KIRREL2: variants seen among roughly 807,000 people sequenced by gnomAD.
KIRREL2 encodes the protein kirre like nephrin family adhesion molecule 2.
KIRREL2 carries 56 observed loss-of-function variants against 73.4 expected under a neutral mutation model. That is an observed-to-expected ratio of 0.76 (90% CI 0.62 to 0.95). The LOEUF (loss-of-function observed/expected upper bound fraction) is 0.95, where lower values mean the gene tolerates loss of function less well. KIRREL2 is among the 40% of genes least tolerant of loss of function. KIRREL2 has a pLI of 0.00. For missense variants in KIRREL2, 896 were observed against 935.0 expected, an observed-to-expected ratio of 0.96 and a Z score of 0.54; for synonymous variants, 407 against 404.0, an observed-to-expected ratio of 1.01 and a Z score of -0.09.
chr19:35,856,875 C>A (rs1973442319), upstream of KIRREL2: 3 of 570,198 alleles, frequency 5.3e-6, no homozygotes, highest in Non-Finnish European at 9.4e-6. The surrounding 1 kb of genome is among the most constrained non-coding windows in gnomAD (Gnocchi z 5.9). Flanking sequence ...CGGACCCGGG[C>A]GGGGCGAGCG....
upstream of KIRREL2, chr19:35,851,720 G>A (rs1032415696): frequency 6.4e-7 from 1 of 1,574,070 alleles, no homozygotes; most frequent in Non-Finnish European, 8.6e-7. Context: ...TTTGTCTAGG[G>A]AAGGTAAGTG....
rs377502033 is a variant in KIRREL2 at position 35,866,251 on chromosome 19, C to T, written c.1886C>T (p.Ser629Phe). 6.2e-7 allele frequency: 1 copy of T among 1,607,470 alleles called. No homozygotes were observed. The highest frequency in any genetic ancestry group is 8.5e-7 in the Non-Finnish European group (1 of 1,174,190). Reference sequence around the variant, plus strand: ...GGAGGTCTCTTCCTGCCACCACCCTCCCCCCTTGGGCCCCCAGGGACCCCT... The same window carrying T: ...GGAGGTCTCTTCCTGCCACCACCCTTCCCCCTTGGGCCCCCAGGGACCCCT... ...PGGGLFLPPP[S>F]PLGPPGTPTF... The change falls in exon 15 of 15, where the codon TCC (serine) becomes TTC (phenylalanine). Residue 629 changes from serine (S) to phenylalanine (F), a missense_variant. By Grantham distance (155) the Ser-to-Phe change is radical. Coordinates refer to ENST00000360202, the MANE Select transcript of KIRREL2 (RefSeq NM_199180.4).
chr19:35,855,102 C>G (rs1473670246), upstream of KIRREL2, among the ~76,000 whole-genome samples: 1 of 152,116 alleles, frequency 6.6e-6, no homozygotes, highest in African/African-American at 2.4e-5. Context: ...GCTTCATCCT[C>G]GATGCTGGAC....
upstream of KIRREL2, among the ~76,000 whole-genome samples, chr19:35,854,285 C>A (rs1394373812): frequency 6.6e-6 from 1 of 152,124 alleles, no homozygotes. Context: ...AGCCACCGCA[C>A]CTGGCCCTTG....
chr19:35,858,939 C>A, intron 4 of KIRREL2, 75 bp downstream of exon 4: 1 of 1,509,814 alleles, frequency 6.6e-7, no homozygotes, highest in Non-Finnish European at 9.1e-7. Flanking sequence ...CAGGCTCATC[C>A]AGAAGAGAAG....
chr19:35,852,620 G>A (rs369740601), upstream of KIRREL2, among the ~76,000 whole-genome samples: 1 of 152,056 alleles, frequency 6.6e-6, no homozygotes, highest in African/African-American at 2.4e-5. Flanking sequence ...CATGCCAGGC[G>A]CGTTCCTCGG....
intron 12 of KIRREL2, 57 bp from the exon 13 acceptor site, chr19:35,862,870 G>C: frequency 9.6e-7 from 1 of 1,039,984 alleles, no homozygotes; most frequent in Non-Finnish European, 1.5e-6. Context: ...CCGCTTATTG[G>C]TCTGCACACA....
chr19:35,856,867 G>GA (rs1215738943), upstream of KIRREL2: 29 of 566,678 alleles, frequency 5.1e-5, no homozygotes, highest in East Asian at 8.2e-4. The surrounding 1 kb of genome is among the most constrained non-coding windows in gnomAD (Gnocchi z 5.9). Context: ...CCGGGGGGCG[G>GA]ACCCGGGCGG....
At chr19:35,860,465 A>AGTAG (rs1477948552) in intron 6 of KIRREL2, 54 bp from the exon 7 acceptor site, 1 of 1,604,424 alleles carries the variant, frequency 6.2e-7, no homozygotes, top group African/African-American at 1.3e-5. Flanking sequence ...CTGGGACCTG[A>AGTAG]GTAGGTGTGC....
Position 35,861,022 on chromosome 19 carries a change from C to T in KIRREL2, c.1042C>T (p.Arg348Cys), listed in dbSNP as rs755656040. 1 of 1,611,684 alleles carries T rather than the reference C, an allele frequency of 6.2e-7. No homozygotes were observed. Among genetic ancestry groups the T allele is most frequent in the African/African-American group, 1.3e-5 (1 of 74,974 alleles). Residue 348 changes from arginine (R) to cysteine (C), a missense_variant, in exon 8 of 15, where the codon CGC becomes TGC. Arg to Cys is a radical substitution (Grantham distance 180, BLOSUM62 -3). Transcript: ENST00000360202. ...GCTTCCACGGGTAACCTGGACCCGC[C>T]GCGGTGGCGCGCAGGTACAGCCCTA... ...NPLPRVTWTR[R>C]GGAQVLGSGA...
chr19:35,862,714 A>G, intron 12 of KIRREL2, 117 bp downstream of exon 12: 1 of 809,224 alleles, frequency 1.2e-6, no homozygotes, highest in South Asian at 1.5e-5. Context: ...AGCTCTGCAC[A>G]GGGCTTAGCT....
At chr19:35,852,959 T>C (rs1475710092), upstream of KIRREL2, among the ~76,000 whole-genome samples, 1 of 152,084 alleles carries the variant, frequency 6.6e-6, no homozygotes, top group Non-Finnish European at 1.5e-5. Context: ...CATGCCTGGC[T>C]AATTTTTGTA....
In KIRREL2 at chr19:35,866,367, C is replaced by T. The variant is rs1162132246; in HGVS notation, c.2002C>T (p.Arg668Ter). The change falls in exon 15 of 15, where the codon CGA (arginine) becomes TGA (stop). Residue 668 changes from arginine (R) to a stop codon, truncating the protein, a stop_gained. Transcript: ENST00000360202. LOFTEE classifies it high-confidence loss of function. Reference sequence around the variant, plus strand: ...AGGCTATCTCACCACACCCCACCCTCGAGCTTTCACCAGCTACATCAAACC... The same window carrying T: ...AGGCTATCTCACCACACCCCACCCTTGAGCTTTCACCAGCTACATCAAACC... ...RAGYLTTPHP[R>*]AFTSYIKPTS... 48 of 1,613,298 alleles carry T rather than the reference C, an allele frequency of 3.0e-5. No homozygotes were observed. The highest frequency in any genetic ancestry group is 3.6e-5 in the Non-Finnish European group (42 of 1,179,486).
chr19:35,856,105 G>A (rs1973412097), upstream of KIRREL2: 2 of 152,444 alleles, frequency 1.3e-5, no homozygotes, highest in South Asian at 4.1e-4. This position sits in a 1 kb window ranked among gnomAD's most constrained non-coding sequence, Gnocchi z 5.9. Context: ...CAGCCCCCCA[G>A]CCCTCCTTCA....
At position 35,858,577 on chromosome 19, in the gene KIRREL2, G is replaced by C; in HGVS notation, c.361+20G>C. ...TGCTGGGTAAGGACCTCGCCCACTT[G>C]TCCCCTGGGAGCCCAAGAGGGCAGC... On this transcript the variant is annotated intron_variant, in intron 3 of 14. Coordinates refer to ENST00000360202, the MANE Select transcript of KIRREL2 (RefSeq NM_199180.4). The C allele has an allele frequency of 1.2e-6, 2 of 1,613,298 alleles. No individual in the cohort carries two copies. Among genetic ancestry groups the C allele is most frequent in the Non-Finnish European group, 1.7e-6 (2 of 1,179,374 alleles).
Position 35,862,945 on chromosome 19 carries a change from A to T in KIRREL2, c.1634A>T (p.Glu545Val), listed in dbSNP as rs1372132818. Residue 545 changes from glutamate to valine, a missense_variant, in exon 13 of 15, where the codon GAG becomes GTG. Physicochemically the swap from Glu to Val is moderately radical, Grantham distance 121. Coordinates refer to ENST00000360202, the MANE Select transcript of KIRREL2 (RefSeq NM_199180.4). ...TTGTCAGCCTCAGCCTCTTTCTCCG[A>T]GCAAAAGAACCTGATGCGAATCCCT... ...RHSKASASFSEQKNLMRIPGS... is the reference protein window; with the variant it reads ...RHSKASASFSVQKNLMRIPGS... 6.3e-7 allele frequency: 1 copy of T among 1,575,976 alleles called. No individual in the cohort carries two copies. Among genetic ancestry groups the T allele is most frequent in the Non-Finnish European group, 8.6e-7 (1 of 1,160,046 alleles).
chr19:35,866,136 G>A (rs771392802), intron 14 of KIRREL2, 21 bp from the exon 15 acceptor site: 13 of 1,590,370 alleles, frequency 8.2e-6, no homozygotes, highest in African/African-American at 1.4e-5. Context: ...AGACTTTACT[G>A]AGTCCCATTT....
Position 35,860,604 on chromosome 19 carries a change from G to C in KIRREL2, c.865G>C (p.Val289Leu), listed in dbSNP as rs758278039. ...VADASFLTEP[V>L]SCEVSNAVGS... is the part of the protein sequence containing the mutation. ...AGACGCCTCGTTCCTGACTGAGCCC[G>C]TGTCCTGCGAGGTCAGCAACGCCGT... is the stretch of plus-strand genomic sequence containing the variant. The change falls in exon 7 of 15, where the codon GTG (valine) becomes CTG (leucine). Residue 289 changes from valine to leucine, a missense_variant. By Grantham distance (32) the Val-to-Leu change is conservative (BLOSUM62 1). Coordinates refer to ENST00000360202, the MANE Select transcript of KIRREL2 (RefSeq NM_199180.4). 2.5e-5 allele frequency: 40 copies of C among 1,603,674 alleles called. No individual in the cohort carries two copies. In the Admixed American group the frequency reaches 6.7e-4, roughly 27 times the overall value.
chr19:35,851,515 G>A (rs764300734), upstream of KIRREL2: 4 of 1,613,730 alleles, frequency 2.5e-6, no homozygotes, highest in Non-Finnish European at 2.5e-6. Context: ...TGGGGTCGGG[G>A]CCCAGGAGCA....
Sources: allele counts gnomAD v4.1 joint callset (sites outside exome capture counted in the v4.1 genomes callset), GRCh38; gene constraint gnomAD v4.1.1; non-coding constraint Gnocchi (gnomAD v3.1); transcripts MANE v1.5; gene names NCBI Gene and HGNC (gene_info 2026-07-23, HGNC 2026-07-21).